Variants in SLC44A2 observed in about 807,000 individuals in gnomAD.
SLC44A2 encodes choline transporter-like protein 2.
Under a neutral mutation model 90.8 loss-of-function variants are expected in SLC44A2, and 57 were observed. The ratio of observed to expected loss-of-function variants is 0.63; its 90% CI spans 0.51 to 0.78. The LOEUF (loss-of-function observed/expected upper bound fraction) is 0.78, where lower values mean the gene tolerates loss of function less well. Ranked by LOEUF, SLC44A2 falls within the 30% of genes least tolerant of loss-of-function variation. The pLI, the probability that SLC44A2 is intolerant of heterozygous loss-of-function variation, is 0.00. For synonymous variants in SLC44A2, 355 were observed against 360.7 expected (o/e 0.98, Z 0.18); for missense variants, 794 against 919.7 (o/e 0.86, Z 1.77).
intron 1 of SLC44A2, among the ~76,000 whole-genome samples, chr19:10,616,966 G>A (rs1178769712): frequency 1.3e-5 from 2 of 151,884 alleles, no homozygotes; most frequent in Non-Finnish European, 2.9e-5. Context: ...CTGTCGCCCA[G>A]GCTGGAGTGC....
At chr19:10,611,068 C>A (rs943422968) in intron 1 of SLC44A2, among the ~76,000 whole-genome samples, 1 of 151,886 alleles carries the variant, frequency 6.6e-6, no homozygotes, top group East Asian at 1.9e-4. Flanking sequence ...TGGTTGAATT[C>A]CCCGGCTGAA....
chr19:10,639,282 T>C (rs1334575907), intron 20 of SLC44A2, among the ~76,000 whole-genome samples: 1 of 152,140 alleles, frequency 6.6e-6, no homozygotes, highest in Non-Finnish European at 1.5e-5. Flanking sequence ...GGCATCGAGG[T>C]GGAGGGCTTC....
intron 10 of SLC44A2, among the ~76,000 whole-genome samples, chr19:10,633,912 C>A (rs1468382489): frequency 6.6e-6 from 1 of 150,940 alleles, no homozygotes; most frequent in East Asian, 2.0e-4. Flanking sequence ...CAGAGGTGGG[C>A]GGATCACCTG....
chr19:10,634,634 C>T, intron 10 of SLC44A2, 122 bp from the exon 11 acceptor site: 2 of 1,418,514 alleles, frequency 1.4e-6, no homozygotes, highest in South Asian at 2.5e-5. Flanking sequence ...GTGGGAACTG[C>T]AAGTGTAAAG....
At position 10,625,596 on chromosome 19, in the gene SLC44A2, A is replaced by G; in HGVS notation, c.-38A>G. On this transcript the variant is annotated 5_prime_UTR_variant, in exon 1 of 22. Coordinates refer to ENST00000335757, the MANE Select transcript of SLC44A2 (RefSeq NM_020428.4). ...CGGGAGGGTCGAGGGGGCGCGGGAG[A>G]GAGCGCGGGCGGCCGCCGGGGCTGG... The G allele has an allele frequency of 8.1e-7, 1 of 1,240,688 alleles. No homozygotes were observed. The highest frequency in any genetic ancestry group is 1.0e-6 in the Non-Finnish European group (1 of 988,944). The allele number at this position is 1,240,688 out of a possible 1,614,324, so 76.9% of individuals were successfully genotyped here. A position where few individuals can be genotyped will look rare whatever the true frequency, so the allele number is the denominator to read the frequency against.
At chr19:10,609,141 A>G (rs547965457) in intron 1 of SLC44A2, among the ~76,000 whole-genome samples, 1 of 151,662 alleles carries the variant, frequency 6.6e-6, no homozygotes, top group Non-Finnish European at 1.5e-5. Context: ...TATTTTTGGT[A>G]GAGACGGGGT....
upstream of SLC44A2, chr19:10,625,517 G>C: frequency 8.2e-7 from 1 of 1,225,818 alleles, no homozygotes; most frequent in Non-Finnish European, 1.0e-6. Flanking sequence ...CCCGCCTGGC[G>C]CTGTGCTGGG....
upstream of SLC44A2, among the ~76,000 whole-genome samples, chr19:10,624,090 C>T (rs1336604999): frequency 1.3e-5 from 2 of 151,736 alleles, no homozygotes; most frequent in Non-Finnish European, 2.9e-5. Context: ...CTCCGCCTCT[C>T]GGGTTGAAGT....
chr19:10,631,622 G>T lies in SLC44A2; in HGVS notation c.503-4G>T. ...TGACTGGTGCCATCCTCTGCTCCAT[G>T]CAGTGGCCCGGAGATGCTTCCCCGC... On this transcript the variant is annotated splice_region_variant and splice_polypyrimidine_tract_variant and intron_variant, in intron 7 of 21. Coordinates refer to ENST00000335757, the MANE Select transcript of SLC44A2 (RefSeq NM_020428.4). 2 of 1,613,854 alleles carry T rather than the reference G, an allele frequency of 1.2e-6. No homozygotes were observed. The highest frequency in any genetic ancestry group is 1.1e-5 in the South Asian group (1 of 91,084).
chr19:10,634,975 G>A lies in SLC44A2; in HGVS notation c.957G>A (p.Met319Ile). Residue 319 changes from methionine to isoleucine, a missense_variant and splice_region_variant, in exon 12 of 22, where the codon ATG (methionine) becomes ATA (isoleucine). Physicochemically the swap from Met to Ile is conservative, Grantham distance 10. Around this residue, in one of 3 missense-constraint regions of SLC44A2, gnomAD observed 738 missense variants for 841.1 expected, o/e 0.88. Transcript: ENST00000335757. ...LHLRQTWLAFMIILSILEVII... is the reference protein window; with the variant it reads ...LHLRQTWLAFIIILSILEVII... ...CGGCTCAGCCTTTGCCCTTTGCAGTGATCATTCTGAGTATCCTTGAAGTCA... is the reference window on the plus strand; with the variant it reads ...CGGCTCAGCCTTTGCCCTTTGCAGTAATCATTCTGAGTATCCTTGAAGTCA... The A allele has an allele frequency of 6.2e-7, 1 of 1,614,168 alleles. No individual in the cohort carries two copies.
At chr19:10,632,843 C>T (rs928474471) in intron 10 of SLC44A2, among the ~76,000 whole-genome samples, 12 of 150,722 alleles carry the variant, frequency 8.0e-5, no homozygotes, top group Non-Finnish European at 1.6e-4. Flanking sequence ...CGGCTGATTT[C>T]GTATTTTTAG....
intron 1 of SLC44A2, among the ~76,000 whole-genome samples, chr19:10,613,735 G>C (rs1195045285): frequency 1.3e-5 from 2 of 152,074 alleles, no homozygotes; most frequent in Non-Finnish European, 2.9e-5. Flanking sequence ...ATGGAACGAC[G>C]GAAGCGAGGT....
chr19:10,622,880 C>T (rs1012996215), upstream of SLC44A2, among the ~76,000 whole-genome samples: 1 of 152,096 alleles, frequency 6.6e-6, no homozygotes, highest in Non-Finnish European at 1.5e-5. Flanking sequence ...CCAGCCTGGG[C>T]GACAGAGTGA....
At chr19:10,643,094 G>A (rs2067136125) in intron 21 of SLC44A2, 185 bp from the exon 22 acceptor site, 1 of 1,452,882 alleles carries the variant, frequency 6.9e-7, no homozygotes. Context: ...GGGGTTCCTG[G>A]CCTGCGAGTG....
intron 20 of SLC44A2, chr19:10,641,029 C>T (rs2067109811): frequency 7.5e-6 from 3 of 401,056 alleles, no homozygotes; most frequent in Non-Finnish European, 1.4e-5. Context: ...GGAGGTTGCA[C>T]TGAGCCAAGG....
At chr19:10,624,573 A>T (rs1465788496), upstream of SLC44A2, among the ~76,000 whole-genome samples, 1 of 152,258 alleles carries the variant, frequency 6.6e-6, no homozygotes, top group Non-Finnish European at 1.5e-5. Context: ...GATTACAGGC[A>T]TGAGCCACTG....
At chr19:10,626,840 C>T (rs1256574664) in intron 2 of SLC44A2, among the ~76,000 whole-genome samples, 1 of 151,784 alleles carries the variant, frequency 6.6e-6, no homozygotes, top group East Asian at 2.0e-4. Flanking sequence ...ACCTTCCCCT[C>T]CTGGTTCAAG....
chr19:10,641,502 G>T (rs2067115837), intron 20 of SLC44A2: 1 of 420,664 alleles, frequency 2.4e-6, no homozygotes, highest in Non-Finnish European at 4.6e-6. Flanking sequence ...GGTCGATGGG[G>T]CATAAATTAG....
chr19:10,641,329 G>A (rs2067113556), intron 20 of SLC44A2: 1 of 418,064 alleles, frequency 2.4e-6, no homozygotes, highest in Admixed American at 3.0e-5. Context: ...GGGAGGTCAA[G>A]GCTGCAGTGA....
Sources: gnomAD v4.1 joint callset for allele counts (sites outside exome capture counted in the v4.1 genomes callset) on GRCh38, gnomAD v4.1.1 for gene constraint, gnomAD v4.1.1 regional missense constraint, MANE v1.5 for transcripts, NCBI Gene and HGNC (gene_info 2026-07-23, HGNC 2026-07-21) for gene names.